Variants in HSBP1 observed in about 807,000 individuals in gnomAD.
The protein encoded by HSBP1 is heat shock factor binding protein 1, also known as heat shock factor-binding protein 1.
HSBP1 carries 5 observed loss-of-function variants against 9.6 expected under a neutral mutation model. The ratio of observed to expected loss-of-function variants is 0.52; its 90% confidence interval spans 0.27 to 1.09. The LOEUF (loss-of-function observed/expected upper bound fraction) is 1.09, where lower values mean the gene tolerates loss of function less well. HSBP1 is among the 50% of genes least tolerant of loss of function. HSBP1 has a pLI of 0.11. For synonymous variants in HSBP1, 42 were observed against 33.3 expected (o/e 1.26, Z -0.90); for missense variants, 121 against 96.3 (o/e 1.26, Z -1.07).
rs994872248 is a variant in HSBP1 at position 83,812,049 on chromosome 16, C to A, written c.*631C>A. 3 of 152,658 alleles carry A rather than the reference C, an allele frequency of 2.0e-5. No homozygotes were observed. Among genetic ancestry groups the A allele is most frequent in the South Asian group, 2.1e-4 (1 of 4,832 alleles). The allele number at this position is 152,658 out of a possible 1,614,324, so 9.5% of individuals were successfully genotyped here. A position where few individuals can be genotyped will look rare whatever the true frequency, so the allele number is the denominator to read the frequency against. On this transcript the variant is annotated 3_prime_UTR_variant, in exon 4 of 4. Coordinates refer to ENST00000433866, the MANE Select transcript of HSBP1 (RefSeq NM_001537.4). Reference sequence around the variant, plus strand: ...GATGAAAAGTAACCACTGCCACTGTCTTGTGTCAGAACTTTTACAGTACAG... The same window carrying A: ...GATGAAAAGTAACCACTGCCACTGTATTGTGTCAGAACTTTTACAGTACAG...
intron 1 of HSBP1, 158 bp downstream of exon 1, chr16:83,808,279 C>G: frequency 6.2e-6 from 4 of 647,216 alleles, no homozygotes; most frequent in Non-Finnish European, 1.0e-5. Context: ...CCACCTTGAC[C>G]CCCGGGGCGC....
rs1035390642 is a variant in HSBP1, at chr16:83,815,775, A to G, written c.*4357A>G. 1 of 152,112 alleles carries G rather than the reference A, an allele frequency of 6.6e-6. No individual in the cohort carries two copies. The highest frequency in any genetic ancestry group is 1.9e-4 in the East Asian group (1 of 5,168). The allele number at this position is 152,112 out of a possible 1,614,324, so 9.4% of individuals were successfully genotyped here. On this transcript the variant is annotated 3_prime_UTR_variant, in exon 4 of 4. Transcript: ENST00000433866. ...TCGTGTAGATGCTGCCCTGCCTCATAAGAACACTCTTGACTGTCCTGCTTC... is the reference window on the plus strand; with the variant it reads ...TCGTGTAGATGCTGCCCTGCCTCATGAGAACACTCTTGACTGTCCTGCTTC...
rs1904702409 is a variant in HSBP1, at chr16:83,815,603, T to G, written c.*4185T>G. The G allele has an allele frequency of 6.6e-6, 1 of 151,836 alleles. No homozygotes were observed. Among genetic ancestry groups the G allele is most frequent in the African/African-American group, 2.4e-5 (1 of 41,296 alleles). 9.4% of individuals were successfully genotyped at this position (151,836 alleles called of 1,614,324 possible). Reference sequence around the variant, plus strand: ...GCTGGAAGCTCCTCAGACCGCTGCCTAGGGTTCGAGTGATCCTGAAAGCTG... The same window carrying G: ...GCTGGAAGCTCCTCAGACCGCTGCCGAGGGTTCGAGTGATCCTGAAAGCTG... On this transcript the variant is annotated 3_prime_UTR_variant, in exon 4 of 4. Transcript: ENST00000433866.
At position 83,813,624 on chromosome 16, in the gene HSBP1, T is replaced by G. The variant is rs1004232921; in HGVS notation, c.*2206T>G. 5 of 152,308 alleles carry G rather than the reference T, an allele frequency of 3.3e-5. No homozygotes were observed. Among genetic ancestry groups the G allele is most frequent in the African/African-American group, 9.7e-5 (4 of 41,436 alleles). The allele number at this position is 152,308 out of a possible 1,614,324, so 9.4% of individuals were successfully genotyped here. ...TGGAGCCACCATGCCTGTCCAAGGG[T>G]CTTTTTTATACTATATGAAGTATTC... is the stretch of plus-strand genomic sequence containing the variant. On this transcript the variant is annotated 3_prime_UTR_variant, in exon 4 of 4. Coordinates refer to ENST00000433866, the MANE Select transcript of HSBP1 (RefSeq NM_001537.4).
intron 2 of HSBP1, 167 bp from the exon 3 acceptor site, chr16:83,809,138 G>A (rs1280799403): frequency 1.9e-5 from 11 of 573,892 alleles, no homozygotes; most frequent in Non-Finnish European, 3.4e-5. Flanking sequence ...ATGCGGGGTA[G>A]CCATGCCCCA....
chr16:83,809,467 T>C (rs747971277), intron 3 of HSBP1, 42 bp downstream of exon 3: 79 of 747,164 alleles, frequency 1.1e-4, no homozygotes, highest in African/African-American at 6.2e-4. Flanking sequence ...CTTTTCTTTT[T>C]TTTTTTTTTT....
intron 3 of HSBP1, among the ~76,000 whole-genome samples, chr16:83,809,962 TATTA>T (rs1245484201): frequency 6.6e-6 from 1 of 152,348 alleles, no homozygotes; most frequent in South Asian, 2.1e-4. Context: ...TCCCAGTTTT[TATTA>T]ATTAGACTTC....
intron 3 of HSBP1, among the ~76,000 whole-genome samples, 198 bp downstream of exon 3, chr16:83,809,623 C>A (rs1904553807): frequency 6.6e-6 from 1 of 151,936 alleles, no homozygotes; most frequent in African/African-American, 2.4e-5. Flanking sequence ...GCTTGTGCCA[C>A]CACACCCAGC....
chr16:83,819,468 C>T lies in HSBP1; in HGVS notation c.*8050C>T, dbSNP rs1267984244. ...GTGTGACCTCTTCTGCCTTCTGAAC[C>T]GAGGAGTCCACCCCTAAGCCCGAGG... is the stretch of plus-strand genomic sequence containing the variant. On this transcript the variant is annotated 3_prime_UTR_variant, in exon 4 of 4. Coordinates refer to ENST00000433866, the MANE Select transcript of HSBP1 (RefSeq NM_001537.4). 2 of 152,052 alleles carry T rather than the reference C, an allele frequency of 1.3e-5. No individual in the cohort carries two copies. The highest frequency in any genetic ancestry group is 4.8e-5 in the African/African-American group (2 of 41,388). The allele number at this position is 152,052 out of a possible 1,614,324, so 9.4% of individuals were successfully genotyped here.
At position 83,813,986 on chromosome 16, in the gene HSBP1, A is replaced by C. The variant is rs1185205033; in HGVS notation, c.*2568A>C. On this transcript the variant is annotated 3_prime_UTR_variant, in exon 4 of 4. Coordinates refer to ENST00000433866, the MANE Select transcript of HSBP1 (RefSeq NM_001537.4). ...TTGCCCTTGTGAGTCCTTGGAATTT[A>C]AGCCCCACACACACACACTTAGAGC... 6.6e-6 allele frequency: 1 copy of C among 152,186 alleles called. No individual in the cohort carries two copies. Among genetic ancestry groups the C allele is most frequent in the Admixed American group, 6.5e-5 (1 of 15,274 alleles). The allele number at this position is 152,186 out of a possible 1,614,324, so 9.4% of individuals were successfully genotyped here.
chr16:83,815,846 G>A lies in HSBP1; in HGVS notation c.*4428G>A, dbSNP rs1170797441. On this transcript the variant is annotated 3_prime_UTR_variant, in exon 4 of 4. Coordinates refer to ENST00000433866, the MANE Select transcript of HSBP1 (RefSeq NM_001537.4). ...AATGATCTAATAATGGTCAAATTCTGTGTCTCTACCGTAGAAAACAGAATT... is the reference window on the plus strand; with the variant it reads ...AATGATCTAATAATGGTCAAATTCTATGTCTCTACCGTAGAAAACAGAATT... The A allele has an allele frequency of 3.3e-5, 5 of 152,086 alleles. No individual in the cohort carries two copies. The highest frequency in any genetic ancestry group is 9.7e-5 in the African/African-American group (4 of 41,408). 9.4% of individuals were successfully genotyped at this position (152,086 alleles called of 1,614,324 possible).
chr16:83,808,356 G>T, intron 1 of HSBP1: 1 of 550,994 alleles, frequency 1.8e-6, no homozygotes. Context: ...CCATTCATCT[G>T]TCGCGAACGC....
chr16:83,809,462 C>CTTTTTTTTTT (rs34576085), intron 3 of HSBP1, 37 bp downstream of exon 3: 133 of 408,296 alleles, frequency 3.3e-4, no homozygotes, highest in East Asian at 1.0e-3. Flanking sequence ...CTTTTCTTTT[C>CTTTTTTTTTT]TTTTTTTTTT....
Position 83,815,149 on chromosome 16 carries a change from A to T in HSBP1, c.*3731A>T, listed in dbSNP as rs939761217. On this transcript the variant is annotated 3_prime_UTR_variant, in exon 4 of 4. Coordinates refer to ENST00000433866, the MANE Select transcript of HSBP1 (RefSeq NM_001537.4). Reference sequence around the variant, plus strand: ...GCAGCCACTTGAGAACTTTTCAATGAATGAAAATGAGGGAGGGGAGATGCA... The same window carrying T: ...GCAGCCACTTGAGAACTTTTCAATGTATGAAAATGAGGGAGGGGAGATGCA... 6.6e-6 allele frequency: 1 copy of T among 152,170 alleles called. No individual in the cohort carries two copies. The highest frequency in any genetic ancestry group is 6.6e-5 in the Admixed American group (1 of 15,264). The allele number at this position is 152,170 out of a possible 1,614,324, so 9.4% of individuals were successfully genotyped here. A position where few individuals can be genotyped will look rare whatever the true frequency, so the allele number is the denominator to read the frequency against.
In HSBP1 at chr16:83,808,133, C is replaced by T. The variant is rs896163596; in HGVS notation, c.45+12C>T. ...ACCTCACCTCGGTGGTAAGGGACGG[C>T]TGTGAGGGCCGGAGGCCGCGGCCTT... On this transcript the variant is annotated intron_variant, in intron 1 of 3. Coordinates refer to ENST00000433866, the MANE Select transcript of HSBP1 (RefSeq NM_001537.4). The T allele has an allele frequency of 4.7e-5, 73 of 1,543,750 alleles. No individual in the cohort carries two copies. The highest frequency in any genetic ancestry group is 6.3e-5 in the Non-Finnish European group (72 of 1,143,366).
rs973240297 is a variant in HSBP1, at chr16:83,814,148, G to C, written c.*2730G>C. 6.6e-6 allele frequency: 1 copy of C among 152,142 alleles called. No homozygotes were observed. The highest frequency in any genetic ancestry group is 2.4e-5 in the African/African-American group (1 of 41,426). 9.4% of individuals were successfully genotyped at this position (152,142 alleles called of 1,614,324 possible). On this transcript the variant is annotated 3_prime_UTR_variant, in exon 4 of 4. Coordinates refer to ENST00000433866, the MANE Select transcript of HSBP1 (RefSeq NM_001537.4). ...TTTTGCACATTATATATTTTGATTAGATTAAAATGGAGGAATTTGCAGGAT... is the reference window on the plus strand; with the variant it reads ...TTTTGCACATTATATATTTTGATTACATTAAAATGGAGGAATTTGCAGGAT...
At chr16:83,810,044 AATT>A (rs1610864) in intron 3 of HSBP1, among the ~76,000 whole-genome samples, 116,632 of 151,522 alleles carry the variant, frequency 0.77, 45,482 homozygotes, top group Non-Finnish European at 0.82. Context: ...TCCAGCTAAT[AATT>A]AAGGTGTCTT....
At chr16:83,808,343 G>A (rs1309662987) in intron 1 of HSBP1, 1 of 551,492 alleles carries the variant, frequency 1.8e-6, no homozygotes, top group East Asian at 3.3e-5. Flanking sequence ...CCTTCCAGTA[G>A]CCCCATTCAT....
Position 83,819,321 on chromosome 16 carries a change from C to G in HSBP1, c.*7903C>G, listed in dbSNP as rs1225329011. On this transcript the variant is annotated 3_prime_UTR_variant, in exon 4 of 4. Coordinates refer to ENST00000433866, the MANE Select transcript of HSBP1 (RefSeq NM_001537.4). ...TTATTTCCCATACACAAAAACACTG[C>G]GTAGAGAAATGGGAGTGTGGGCGAT... 1 of 152,064 alleles carries G rather than the reference C, an allele frequency of 6.6e-6. No individual in the cohort carries two copies. The highest frequency in any genetic ancestry group is 1.5e-5 in the Non-Finnish European group (1 of 68,018). 9.4% of individuals were successfully genotyped at this position (152,064 alleles called of 1,614,324 possible). A position where few individuals can be genotyped will look rare whatever the true frequency, so the allele number is the denominator to read the frequency against.
Sources: gnomAD v4.1 joint callset for allele counts (sites outside exome capture counted in the v4.1 genomes callset) on GRCh38, gnomAD v4.1.1 for gene constraint, MANE v1.5 for transcripts, NCBI Gene and HGNC (gene_info 2026-07-23, HGNC 2026-07-21) for gene names.